THSD7A: variants seen among roughly 807,000 people sequenced by gnomAD.
The protein encoded by THSD7A is thrombospondin type 1 domain containing 7A, also known as thrombospondin type-1 domain-containing protein 7A.
Under a neutral mutation model 231.3 loss-of-function variants are expected in THSD7A, and 96 were observed. That is an observed-to-expected ratio of 0.41 (90% CI 0.35 to 0.49). The LOEUF (loss-of-function observed/expected upper bound fraction) is 0.49, where lower values mean the gene tolerates loss of function less well. THSD7A is among the 20% of genes least tolerant of loss of function. THSD7A has a pLI of 0.05. For synonymous variants in THSD7A, 940 were observed against 743.3 expected (o/e 1.26, Z -4.30); for missense variants, 2,290 against 2,070.2 (o/e 1.11, Z -2.06).
rs183795445 is a variant in THSD7A at position 11,490,266 on chromosome 7, C to T, written c.1823-8284G>A. 7.5e-3 allele frequency among the ~76,000 whole-genome samples: 1,145 copies of T among 152,154 alleles called. 10 individuals are homozygous for T. Among genetic ancestry groups the T allele is most frequent in the African/African-American group, 0.026 (1,100 of 41,544 alleles). ...AACAAAGTGCAGTAAATAACATGAC[C>T]TTTAAATACATGATGAAAATTTAGG... On this transcript the variant is annotated intron_variant, in intron 6 of 27. Coordinates refer to ENST00000423059, the MANE Select transcript of THSD7A (RefSeq NM_015204.3).
intron 1 of THSD7A, among the ~76,000 whole-genome samples, chr7:11,764,513 G>A (rs1296183206): frequency 6.6e-6 from 1 of 150,556 alleles, no homozygotes; most frequent in Non-Finnish European, 1.5e-5. Flanking sequence ...CCCAGGAGGC[G>A]GAGCCGAGAT....
chr7:11,463,219 G>C (rs557997632), intron 9 of THSD7A, among the ~76,000 whole-genome samples: 1 of 152,134 alleles, frequency 6.6e-6, no homozygotes, highest in Non-Finnish European at 1.5e-5. Flanking sequence ...TTGATGATTA[G>C]AACATTGCCA....
intron 1 of THSD7A, among the ~76,000 whole-genome samples, chr7:11,749,335 C>A (rs564461228): frequency 6.6e-6 from 1 of 151,942 alleles, no homozygotes; most frequent in Non-Finnish European, 1.5e-5. Context: ...TATTGCTGTG[C>A]ACCCCCCACA....
chr7:11,657,153 A>T (rs1435497815), intron 1 of THSD7A, among the ~76,000 whole-genome samples: 1 of 151,844 alleles, frequency 6.6e-6, no homozygotes, highest in Non-Finnish European at 1.5e-5. Flanking sequence ...GAATATGTAT[A>T]CATAGCAGTG....
At chr7:11,659,009 G>C (rs1428924167) in intron 1 of THSD7A, among the ~76,000 whole-genome samples, 1 of 151,558 alleles carries the variant, frequency 6.6e-6, no homozygotes, top group Non-Finnish European at 1.5e-5. Context: ...AGGTATTTCT[G>C]AAAGAAAAAT....
At chr7:11,810,265 G>T (rs1475672035) in intron 1 of THSD7A, among the ~76,000 whole-genome samples, 1 of 152,102 alleles carries the variant, frequency 6.6e-6, no homozygotes, top group East Asian at 1.9e-4. Flanking sequence ...CTGTCTCTGT[G>T]CCTTCGCCAT....
intron 6 of THSD7A, among the ~76,000 whole-genome samples, chr7:11,515,642 T>A (rs946524960): frequency 2.6e-5 from 4 of 152,228 alleles, no homozygotes; most frequent in East Asian, 1.9e-4. Context: ...CAGAGATCTT[T>A]TATATATATA....
chr7:11,799,565 C>T (rs1784222159), intron 1 of THSD7A, among the ~76,000 whole-genome samples: 1 of 152,098 alleles, frequency 6.6e-6, no homozygotes, highest in Admixed American at 6.6e-5. Flanking sequence ...TTTCATCAAT[C>T]TTCTTAAATA....
intron 17 of THSD7A, among the ~76,000 whole-genome samples, chr7:11,416,764 C>T (rs1173478037): frequency 6.6e-6 from 1 of 152,156 alleles, no homozygotes; most frequent in Non-Finnish European, 1.5e-5. Flanking sequence ...AGCCAAATGT[C>T]TTACATAAGC....
chr7:11,524,530 G>A (rs775693473), intron 6 of THSD7A, among the ~76,000 whole-genome samples: 28 of 152,098 alleles, frequency 1.8e-4, no homozygotes, highest in Non-Finnish European at 3.4e-4. Flanking sequence ...TGGATGGTTC[G>A]ACTTTAAAAG....
At position 11,447,380 on chromosome 7, in the gene THSD7A, C is replaced by G; in HGVS notation, c.2650G>C (p.Glu884Gln). The G allele has an allele frequency of 6.2e-7, 1 of 1,605,286 alleles. No individual in the cohort carries two copies. ...ACAGGGCCTGCATACTGTAGGCACT[C>G]ATGGATTCCAGCCTGTCCTCCATCT... The part of the protein sequence containing the change: ...KQDGGQAGIH[E>Q]CLQYAGPVPA... The change falls in exon 12 of 28, where the codon GAG (glutamate) becomes CAG (glutamine). Residue 884 changes from glutamate (E) to glutamine (Q), a missense_variant. Physicochemically the swap from Glu to Gln is conservative, Grantham distance 29. Coordinates refer to ENST00000423059, the MANE Select transcript of THSD7A (RefSeq NM_015204.3).
intron 17 of THSD7A, among the ~76,000 whole-genome samples, chr7:11,416,808 A>C (rs1365521770): frequency 6.6e-6 from 1 of 152,160 alleles, no homozygotes; most frequent in African/African-American, 2.4e-5. Context: ...CTCTTCCCAG[A>C]GTCTCGTGGA....
chr7:11,643,119 C>A (rs1002135828), intron 1 of THSD7A, among the ~76,000 whole-genome samples: 5 of 152,026 alleles, frequency 3.3e-5, no homozygotes, highest in Admixed American at 6.6e-5. Flanking sequence ...ATAAAACTCT[C>A]AAATGAGCCA....
intron 11 of THSD7A, among the ~76,000 whole-genome samples, chr7:11,458,900 T>G (rs957047729): frequency 6.6e-6 from 1 of 152,068 alleles, no homozygotes; most frequent in African/African-American, 2.4e-5. Context: ...AGGGAAGAAA[T>G]TAACGTTTAA....
intron 6 of THSD7A, among the ~76,000 whole-genome samples, chr7:11,531,117 G>C (rs1416515564): frequency 6.6e-6 from 1 of 152,114 alleles, no homozygotes; most frequent in Non-Finnish European, 1.5e-5. Context: ...CCAGTATAAG[G>C]AAAACCTGAT....
At chr7:11,434,513 G>C (rs955986649) in intron 13 of THSD7A, among the ~76,000 whole-genome samples, 3 of 152,078 alleles carry the variant, frequency 2.0e-5, no homozygotes, top group Admixed American at 2.0e-4. Context: ...TTGTGCTGCT[G>C]AAAGGAATAC....
At chr7:11,445,519 ATGTGTG>A (rs10691034) in intron 13 of THSD7A, among the ~76,000 whole-genome samples, 7 of 149,080 alleles carry the variant, frequency 4.7e-5, no homozygotes, top group South Asian at 2.1e-4. Context: ...CGTTTGTTTT[ATGTGTG>A]TGTGTGTGTG....
chr7:11,785,418 C>G (rs939953277), intron 1 of THSD7A, among the ~76,000 whole-genome samples: 4 of 152,056 alleles, frequency 2.6e-5, no homozygotes, highest in Non-Finnish European at 5.9e-5. Flanking sequence ...CTTCAAATTT[C>G]CTTTCCATTT....
intron 2 of THSD7A, among the ~76,000 whole-genome samples, chr7:11,609,921 G>GA (rs1347702325): frequency 6.6e-6 from 1 of 152,042 alleles, no homozygotes; most frequent in African/African-American, 2.4e-5. Context: ...ATGATCTTGA[G>GA]AAAATCACTG....
Sources: gnomAD v4.1 joint callset for allele counts (sites outside exome capture counted in the v4.1 genomes callset) on GRCh38, gnomAD v4.1.1 for gene constraint, MANE v1.5 for transcripts, NCBI Gene and HGNC (gene_info 2026-07-23, HGNC 2026-07-21) for gene names.